The following NRP1 variants were observed in gnomAD, a reference collection of about 807,000 sequenced individuals.
The protein encoded by NRP1 is neuropilin-1.
NRP1 carries 35 observed loss-of-function variants against 106.7 expected under a neutral mutation model. That is an observed-to-expected ratio of 0.33 (90% CI 0.25 to 0.43). NRP1 has a LOEUF of 0.43. NRP1 is among the 20% of genes least tolerant of loss of function. The pLI, the probability that NRP1 is intolerant of heterozygous loss-of-function variation, is 1.00. For missense variants in NRP1, 1,024 were observed against 1,170.4 expected, an observed-to-expected ratio of 0.87 and a Z score of 1.83; for synonymous variants, 437 against 417.9, an observed-to-expected ratio of 1.05 and a Z score of -0.56.
chr10:33,240,798 C>T (rs1840950940), intron 6 of NRP1, among the ~76,000 whole-genome samples: 1 of 151,868 alleles, frequency 6.6e-6, no homozygotes, highest in African/African-American at 2.4e-5. Context: ...GAATGCTACC[C>T]TGGAGACAAG....
chr10:33,205,204 G>C (rs1452274792), intron 10 of NRP1, among the ~76,000 whole-genome samples: 1 of 152,202 alleles, frequency 6.6e-6, no homozygotes, highest in Non-Finnish European at 1.5e-5. Flanking sequence ...GAGAAGAAAA[G>C]CATTCCTTTT....
rs1318676901 is a variant in NRP1 at position 33,300,902 on chromosome 10, A to C, written c.248+29806T>G. ...ATGTATTAAAGCAAGCTGTGCCCTG[A>C]CCACCTTGGGCACATGTCATCAGGA... On this transcript the variant is annotated intron_variant, in intron 2 of 16. Coordinates refer to ENST00000374867, the MANE Select transcript of NRP1 (RefSeq NM_003873.7). Among the ~76,000 whole-genome samples, 4 of 152,006 alleles carry C rather than the reference A, an allele frequency of 2.6e-5. No homozygotes were observed. The East Asian group carries it at 7.7e-4, about 29-fold the overall frequency.
chr10:33,269,007 A>G (rs1843111083), intron 3 of NRP1, among the ~76,000 whole-genome samples: 1 of 152,180 alleles, frequency 6.6e-6, no homozygotes, highest in Non-Finnish European at 1.5e-5. Flanking sequence ...TCCCCTTTAC[A>G]TTTTTCTCAG....
At chr10:33,185,793 G>A (rs1835965866) in intron 14 of NRP1, 69 bp from the exon 15 acceptor site, 3 of 1,316,768 alleles carry the variant, frequency 2.3e-6, no homozygotes, top group East Asian at 2.3e-5. Context: ...ACAAATGCTT[G>A]TTCAGCTCCA....
intron 15 of NRP1, among the ~76,000 whole-genome samples, chr10:33,183,296 G>T (rs1425991253): frequency 6.7e-6 from 1 of 148,994 alleles, no homozygotes; most frequent in Non-Finnish European, 1.5e-5. Flanking sequence ...ACGGAAGCAA[G>T]AGCCTGTCTC....
Position 33,330,809 on chromosome 10 carries a change from G to A in NRP1, c.147C>T (p.His49=), listed in dbSNP as rs964215241. 1 of 1,613,724 alleles carries A rather than the reference G, an allele frequency of 6.2e-7. No homozygotes were observed. The highest frequency in any genetic ancestry group is 1.7e-5 in the Admixed American group (1 of 60,002). The stretch of plus-strand genomic sequence containing the variant: ...TCAGCCATTCGCATTTTTCACTTGG[G>A]TGATAAGAATGAGGATAACCAGGAG... ...LTSPGYPHSY[H]PSEKCEWLIQ... The change falls in exon 2 of 17, where the codon CAC becomes CAT. Residue 49 remains histidine (H), a synonymous_variant. Transcript: ENST00000374867.
intron 7 of NRP1, among the ~76,000 whole-genome samples, chr10:33,223,555 G>C (rs114617281): frequency 0.013 from 1,996 of 152,172 alleles, 48 homozygotes; most frequent in African/African-American, 0.046. Flanking sequence ...TTGAGCCCAG[G>C]AATTTAAGGC....
chr10:33,245,762 T>G (rs1449536802), intron 6 of NRP1, among the ~76,000 whole-genome samples: 1 of 146,956 alleles, frequency 6.8e-6, no homozygotes, highest in Non-Finnish European at 1.5e-5. Context: ...CCTGTATCCC[T>G]TTTAGTCTTA....
chr10:33,306,054 C>T (rs1380488447), intron 2 of NRP1, among the ~76,000 whole-genome samples: 2 of 152,124 alleles, frequency 1.3e-5, no homozygotes, highest in African/African-American at 2.4e-5. Flanking sequence ...GGCGTGCCAC[C>T]GTGCCAGGCC....
Position 33,186,006 on chromosome 10 carries a change from G to C in NRP1, c.2334+211C>G, listed in dbSNP as rs146821210. On this transcript the variant is annotated intron_variant, in intron 14 of 16. Coordinates refer to ENST00000374867, the MANE Select transcript of NRP1 (RefSeq NM_003873.7). Reference sequence around the variant, plus strand: ...AATAGATGACACGGAAGCCCTTTGTGTTCCTTCTCAGCAAATTGGTTCTAT... The same window carrying C: ...AATAGATGACACGGAAGCCCTTTGTCTTCCTTCTCAGCAAATTGGTTCTAT... 6.4e-4 allele frequency among the ~76,000 whole-genome samples: 97 copies of C among 152,302 alleles called. 1 individual carries two copies. In the Middle Eastern group the frequency reaches 0.014, roughly 21 times the overall value.
In NRP1 at chr10:33,192,274, G is replaced by T. The variant is rs375892409; in HGVS notation, c.2062+7C>A. The T allele has an allele frequency of 9.3e-6, 15 of 1,612,298 alleles. No individual in the cohort carries two copies. The highest frequency in any genetic ancestry group is 1.3e-5 in the Non-Finnish European group (15 of 1,179,240). On this transcript the variant is annotated splice_region_variant and intron_variant, in intron 13 of 16. Transcript: ENST00000374867. ...AAGCCATGCAGCCGAAGTGAACTCT[G>T]TGATACCTGTGTGATCCTGAATGGG...
intron 2 of NRP1, among the ~76,000 whole-genome samples, chr10:33,299,463 T>A (rs751086902): frequency 2.6e-5 from 4 of 152,124 alleles, no homozygotes; most frequent in Non-Finnish European, 4.4e-5. Context: ...GCAGGCCCAC[T>A]TCTAGGTATT....
chr10:33,317,762 G>A (rs1404230544), intron 2 of NRP1, among the ~76,000 whole-genome samples: 1 of 152,180 alleles, frequency 6.6e-6, no homozygotes, highest in Non-Finnish European at 1.5e-5. Flanking sequence ...CATCTTCTAT[G>A]AGGTTTTCCA....
chr10:33,218,412 C>A (rs1326742136), intron 8 of NRP1, among the ~76,000 whole-genome samples: 1 of 150,570 alleles, frequency 6.6e-6, no homozygotes, highest in Non-Finnish European at 1.5e-5. Flanking sequence ...GTGGCACAAT[C>A]TCGGCTCACT....
intron 2 of NRP1, among the ~76,000 whole-genome samples, chr10:33,307,976 C>T (rs1029694999): frequency 3.3e-5 from 5 of 152,150 alleles, no homozygotes; most frequent in Non-Finnish European, 5.9e-5. Flanking sequence ...ACAAGCCCAT[C>T]AATGGCAGAC....
At chr10:33,216,347 A>G (rs1415157344) in intron 8 of NRP1, among the ~76,000 whole-genome samples, 4 of 152,062 alleles carry the variant, frequency 2.6e-5, no homozygotes, top group Non-Finnish European at 4.4e-5. Context: ...AGTGTTAGCC[A>G]GGATGGTCTC....
intron 2 of NRP1, among the ~76,000 whole-genome samples, chr10:33,289,499 G>A (rs111474273): frequency 4.5e-4 from 68 of 152,252 alleles, no homozygotes; most frequent in African/African-American, 1.6e-3. Context: ...GAAATAAAAT[G>A]TTTAGATCTC....
rs139147311 is a variant in NRP1, at chr10:33,209,579, C to T, written c.1615-1863G>A. Among the ~76,000 whole-genome samples, 109 of 152,256 alleles carry T rather than the reference C, an allele frequency of 7.2e-4. 1 individual carries two copies. The highest frequency in any genetic ancestry group is 2.2e-3 in the African/African-American group (90 of 41,546). On this transcript the variant is annotated intron_variant, in intron 9 of 16. Transcript: ENST00000374867. Reference sequence around the variant, plus strand: ...GCAACCTCCACCTCCTAGGTTCAAGCGATTCTCTTGCCTCAGCCTCCAGAC... The same window carrying T: ...GCAACCTCCACCTCCTAGGTTCAAGTGATTCTCTTGCCTCAGCCTCCAGAC...
At chr10:33,194,154 T>G (rs976633092) in intron 12 of NRP1, among the ~76,000 whole-genome samples, 2 of 152,180 alleles carry the variant, frequency 1.3e-5, no homozygotes, top group African/African-American at 4.8e-5. Context: ...AAGATTGAAT[T>G]ATGTAGATGA....
Sources: gnomAD v4.1 joint callset for allele counts (sites outside exome capture counted in the v4.1 genomes callset) on GRCh38, gnomAD v4.1.1 for gene constraint, MANE v1.5 for transcripts, NCBI Gene and HGNC (gene_info 2026-07-23, HGNC 2026-07-21) for gene names.